Variants in NRG3 observed in about 807,000 individuals in gnomAD.
The protein encoded by NRG3 is pro-neuregulin-3, membrane-bound isoform.
In NRG3, 31 loss-of-function variants were observed where a neutral mutation model predicts 66.9. The ratio of observed to expected loss-of-function variants is 0.46; its 90% confidence interval spans 0.35 to 0.63. The LOEUF is 0.63. Ranked by LOEUF, NRG3 falls within the 20% of genes least tolerant of loss-of-function variation. The pLI, the probability that NRG3 is intolerant of heterozygous loss-of-function variation, is 0.00. For missense variants in NRG3, 910 were observed against 878.9 expected, an observed-to-expected ratio of 1.04 and a Z score of -0.45; for synonymous variants, 393 against 359.4, an observed-to-expected ratio of 1.09 and a Z score of -1.06.
intron 1 of NRG3, among the ~76,000 whole-genome samples, chr10:82,187,563 C>A (rs1004037188): frequency 2.0e-5 from 3 of 151,984 alleles, no homozygotes; most frequent in African/African-American, 7.2e-5. Flanking sequence ...GGATAAAACC[C>A]AGGATTCGTC....
chr10:82,727,146 G>A (rs1346829478), intron 2 of NRG3, among the ~76,000 whole-genome samples: 3 of 152,214 alleles, frequency 2.0e-5, no homozygotes, highest in South Asian at 4.1e-4. Flanking sequence ...AAAATTTGCA[G>A]CCTGACAATG....
intron 1 of NRG3, among the ~76,000 whole-genome samples, chr10:82,131,527 T>G (rs1481806138): frequency 0.056 from 3 of 54 alleles, no homozygotes. Context: ...CTGGGTCTTT[T>G]GTGGTTTCCC....
At chr10:81,877,730 A>G in intron 1 of NRG3, 1 of 1,363,326 alleles carries the variant, frequency 7.3e-7, no homozygotes, top group East Asian at 2.9e-5. Context: ...CCAGAATGGC[A>G]GTAGAGCCAG....
chr10:81,908,152 A>T (rs1198169884), intron 1 of NRG3, among the ~76,000 whole-genome samples: 1 of 152,134 alleles, frequency 6.6e-6, no homozygotes, highest in Non-Finnish European at 1.5e-5. Context: ...AGTTATTTCA[A>T]TGTTATGCAG....
intron 2 of NRG3, among the ~76,000 whole-genome samples, chr10:82,395,920 T>C (rs2086685632): frequency 6.6e-6 from 1 of 152,182 alleles, no homozygotes; most frequent in Admixed American, 6.5e-5. Context: ...AATAAAAAAA[T>C]AGAAAGACTA....
chr10:82,314,140 G>C (rs1271702535), intron 1 of NRG3, among the ~76,000 whole-genome samples: 1 of 152,170 alleles, frequency 6.6e-6, no homozygotes, highest in African/African-American at 2.4e-5. Flanking sequence ...CCTCAGCACA[G>C]ATTAAATAAT....
At chr10:82,970,988 A>G (rs1851671469) in intron 6 of NRG3, among the ~76,000 whole-genome samples, 1 of 152,216 alleles carries the variant, frequency 6.6e-6, no homozygotes, top group Non-Finnish European at 1.5e-5. Flanking sequence ...TGGTGCCAAC[A>G]TCTGCTTCTG....
At chr10:82,562,158 C>A (rs10884936) in intron 2 of NRG3, among the ~76,000 whole-genome samples, 18,890 of 152,178 alleles carry the variant, frequency 0.12, 2,211 homozygotes, top group African/African-American at 0.3. Flanking sequence ...ATTATGTGCA[C>A]AGTGCTTATT....
rs1381216825 is a variant in NRG3, at chr10:81,995,702, T to A, written c.823+119539T>A. 2.0e-5 allele frequency among the ~76,000 whole-genome samples: 3 copies of A among 152,166 alleles called. No individual in the cohort carries two copies. The East Asian group carries it at 5.8e-4, about 29-fold the overall frequency. ...ATTACTTCCTATGAGTGTCTGGAGATAGGAAGTAGTTGAATGTTGGGGTGA... is the reference window on the plus strand; with the variant it reads ...ATTACTTCCTATGAGTGTCTGGAGAAAGGAAGTAGTTGAATGTTGGGGTGA... On this transcript the variant is annotated intron_variant, in intron 1 of 8. Coordinates refer to ENST00000372141, the MANE Select transcript of NRG3 (RefSeq NM_001010848.4).
intron 1 of NRG3, among the ~76,000 whole-genome samples, chr10:82,172,165 G>A (rs1242484254): frequency 6.6e-6 from 1 of 152,022 alleles, no homozygotes; most frequent in Non-Finnish European, 1.5e-5. Context: ...GTTTCCTGCT[G>A]CACTCCATTG....
intron 1 of NRG3, among the ~76,000 whole-genome samples, chr10:82,114,886 A>C (rs1467690661): frequency 6.6e-6 from 1 of 152,248 alleles, no homozygotes; most frequent in South Asian, 2.1e-4. Flanking sequence ...CAACGCAAGT[A>C]CTCAACGTGT....
At chr10:82,072,645 A>C (rs1392535495) in intron 1 of NRG3, among the ~76,000 whole-genome samples, 1 of 152,050 alleles carries the variant, frequency 6.6e-6, no homozygotes. Context: ...AAGTACATAC[A>C]CAAGAATTTT....
chr10:81,891,847 A>T (rs1276404550), intron 1 of NRG3, among the ~76,000 whole-genome samples: 1 of 152,168 alleles, frequency 6.6e-6, no homozygotes, highest in Non-Finnish European at 1.5e-5. Flanking sequence ...AAGATGTGGC[A>T]AAGATTCCAG....
intron 1 of NRG3, among the ~76,000 whole-genome samples, chr10:82,102,022 C>CTATAT (rs2066756033): frequency 7.8e-6 from 1 of 127,510 alleles, no homozygotes; most frequent in Non-Finnish European, 1.8e-5. Flanking sequence ...TATATATACG[C>CTATAT]ACACATATAT....
intron 3 of NRG3, among the ~76,000 whole-genome samples, chr10:82,766,176 A>G (rs2059505126): frequency 6.6e-6 from 1 of 152,170 alleles, no homozygotes; most frequent in Admixed American, 6.6e-5. Flanking sequence ...TATTTTCTTG[A>G]TAGGGAATGA....
chr10:82,610,614 C>T (rs2048254148), intron 2 of NRG3, among the ~76,000 whole-genome samples: 1 of 152,020 alleles, frequency 6.6e-6, no homozygotes, highest in Admixed American at 6.6e-5. Context: ...ATTTTGTACC[C>T]CTAATACTTA....
intron 2 of NRG3, among the ~76,000 whole-genome samples, chr10:82,700,252 G>A (rs1235938006): frequency 6.6e-6 from 1 of 152,112 alleles, no homozygotes; most frequent in Non-Finnish European, 1.5e-5. Context: ...GAGAAAACCA[G>A]CTTGAAAATA....
At chr10:82,573,080 A>T (rs893767202) in intron 2 of NRG3, among the ~76,000 whole-genome samples, 2 of 151,826 alleles carry the variant, frequency 1.3e-5, no homozygotes, top group African/African-American at 4.8e-5. Context: ...TGGCAATGGA[A>T]GGATATGTGA....
intron 2 of NRG3, among the ~76,000 whole-genome samples, chr10:82,468,291 G>T (rs953397255): frequency 6.6e-6 from 1 of 151,958 alleles, no homozygotes; most frequent in Non-Finnish European, 1.5e-5. Flanking sequence ...AAGGGTGGGC[G>T]CCTATGGCAG....
Sources: allele counts gnomAD v4.1 joint callset (sites outside exome capture counted in the v4.1 genomes callset), GRCh38; gene constraint gnomAD v4.1.1; transcripts MANE v1.5; gene names NCBI Gene and HGNC (gene_info 2026-07-23, HGNC 2026-07-21).